Variants in SDK1 observed in about 807,000 individuals in gnomAD.
The protein encoded by SDK1 is protein sidekick-1.
A neutral mutation model predicts 245.5 loss-of-function variants in SDK1; 157 were observed. The observed-to-expected ratio is 0.64, with a 90% confidence interval of 0.56 to 0.73. SDK1 has a LOEUF of 0.73. Among genes scored for constraint, SDK1 ranks in the 30% least tolerant of loss-of-function variants. The probability of loss-of-function intolerance (pLI) is 0.00; values close to 1 mark genes in which losing one functional copy is unlikely to be tolerated. For missense variants in SDK1, 3,583 were observed against 3,002.3 expected, an observed-to-expected ratio of 1.19 and a Z score of -4.52; for synonymous variants, 1,647 against 1,278.5, an observed-to-expected ratio of 1.29 and a Z score of -6.15.
intron 17 of SDK1, among the ~76,000 whole-genome samples, chr7:4,043,581 C>A (rs893034152): frequency 6.6e-6 from 1 of 152,218 alleles, no homozygotes; most frequent in Non-Finnish European, 1.5e-5. Context: ...GAATTTGTTT[C>A]TCTGTAAACA....
chr7:3,585,228 G>C (rs769075434), intron 1 of SDK1, among the ~76,000 whole-genome samples: 2 of 152,180 alleles, frequency 1.3e-5, no homozygotes, highest in African/African-American at 4.8e-5. Flanking sequence ...ACTCACTTTG[G>C]AAAATGGCTA....
chr7:3,522,831 G>A (rs1324996999), intron 1 of SDK1, among the ~76,000 whole-genome samples: 1 of 152,086 alleles, frequency 6.6e-6, no homozygotes, highest in Non-Finnish European at 1.5e-5. Context: ...ATTTTGATGG[G>A]GGGTGAGGTT....
chr7:3,827,192 G>A (rs1399530168), intron 5 of SDK1, among the ~76,000 whole-genome samples: 1 of 152,166 alleles, frequency 6.6e-6, no homozygotes, highest in Non-Finnish European at 1.5e-5. Context: ...CAATATGCCC[G>A]GTTTCCCAAA....
rs1788581081 is a variant in SDK1, at chr7:4,268,122, G to C, written c.*2738G>C. ...ATGTGCTCCCGCTCTCTCCTGCCGT[G>C]CTGAAAGTCATGCCTTGCGGATGCC... On this transcript the variant is annotated 3_prime_UTR_variant, in exon 45 of 45. Coordinates refer to ENST00000404826, the MANE Select transcript of SDK1 (RefSeq NM_152744.4). The C allele has an allele frequency of 4.1e-6, 4 of 985,754 alleles. No homozygotes were observed. In the South Asian group the frequency reaches 1.9e-4, roughly 46 times the overall value. 61.1% of individuals were successfully genotyped at this position (985,754 alleles called of 1,614,324 possible). A position where few individuals can be genotyped will look rare whatever the true frequency, so the allele number is the denominator to read the frequency against.
chr7:3,633,886 C>A (rs917612751), intron 2 of SDK1, among the ~76,000 whole-genome samples: 11 of 152,042 alleles, frequency 7.2e-5, no homozygotes, highest in African/African-American at 2.7e-4. Context: ...GAGGGTCCTG[C>A]TGCTGGCCCC....
chr7:4,145,032 C>T (rs925846333), intron 28 of SDK1, among the ~76,000 whole-genome samples: 6 of 152,068 alleles, frequency 3.9e-5, no homozygotes, highest in Admixed American at 1.3e-4. Flanking sequence ...GAGGAGTGAT[C>T]GTTAATAAGG....
At position 4,132,436 on chromosome 7, in the gene SDK1, C is replaced by A. The variant is rs770320178; in HGVS notation, c.4228+13C>A. On this transcript the variant is annotated intron_variant, in intron 28 of 44. Transcript: ENST00000404826. ...GGCATCATCCTGGGTAAGGGAGCGGCGGTGGCCGGGCGTGGTGGCTCAGGC... is the reference window on the plus strand; with the variant it reads ...GGCATCATCCTGGGTAAGGGAGCGGAGGTGGCCGGGCGTGGTGGCTCAGGC... The A allele has an allele frequency of 6.3e-7, 1 of 1,588,946 alleles. No homozygotes were observed. The highest frequency in any genetic ancestry group is 8.6e-7 in the Non-Finnish European group (1 of 1,163,200).
chr7:3,547,510 T>C (rs568570405), intron 1 of SDK1, among the ~76,000 whole-genome samples: 14 of 152,310 alleles, frequency 9.2e-5, no homozygotes, highest in Middle Eastern at 3.4e-3. Flanking sequence ...TTATGTATTA[T>C]TTTTCACCAA....
chr7:3,656,792 C>G (rs937875177), intron 4 of SDK1, among the ~76,000 whole-genome samples: 1 of 149,146 alleles, frequency 6.7e-6, no homozygotes, highest in Admixed American at 6.7e-5. Context: ...CCAGGCCGGA[C>G]TGCGGACTGC....
intron 19 of SDK1, among the ~76,000 whole-genome samples, chr7:4,057,757 C>T (rs796278438): frequency 6.6e-6 from 1 of 152,200 alleles, no homozygotes; most frequent in Non-Finnish European, 1.5e-5. Context: ...TACTAACAAC[C>T]ACACCCTAAG....
intron 17 of SDK1, among the ~76,000 whole-genome samples, chr7:4,020,137 C>A (rs1786768864): frequency 6.6e-6 from 1 of 152,130 alleles, no homozygotes; most frequent in Non-Finnish European, 1.5e-5. Context: ...CACCACCCAC[C>A]TGACCCTTCT....
At chr7:3,318,581 T>G (rs1485278460) in intron 1 of SDK1, among the ~76,000 whole-genome samples, 1 of 152,208 alleles carries the variant, frequency 6.6e-6, no homozygotes, top group African/African-American at 2.4e-5. Flanking sequence ...ATTACTTGTT[T>G]CGTGACCTTT....
At chr7:4,201,860 G>A (rs999142090) in intron 35 of SDK1, among the ~76,000 whole-genome samples, 4 of 152,030 alleles carry the variant, frequency 2.6e-5, no homozygotes, top group Admixed American at 1.3e-4. Context: ...AACAGCTGAC[G>A]CCTAGCATGG....
chr7:4,142,677 G>C (rs191761704), intron 28 of SDK1, among the ~76,000 whole-genome samples: 15 of 152,230 alleles, frequency 9.9e-5, no homozygotes, highest in Admixed American at 4.6e-4. Context: ...TGGCCAGGCT[G>C]GTCTCAAAGT....
intron 17 of SDK1, among the ~76,000 whole-genome samples, chr7:4,048,721 C>A (rs1336677286): frequency 6.6e-6 from 1 of 152,208 alleles, no homozygotes; most frequent in African/African-American, 2.4e-5. Context: ...CTTACAGTTA[C>A]ACGAGCATGT....
intron 4 of SDK1, among the ~76,000 whole-genome samples, chr7:3,734,851 T>C (rs1331670864): frequency 6.6e-6 from 1 of 152,220 alleles, no homozygotes; most frequent in Non-Finnish European, 1.5e-5. Context: ...GCAATTTTTT[T>C]CATCTCAAGT....
chr7:4,097,540 C>G (rs1782233162), intron 22 of SDK1, among the ~76,000 whole-genome samples: 1 of 152,204 alleles, frequency 6.6e-6, no homozygotes, highest in Admixed American at 6.5e-5. Context: ...TTGGGCCGCC[C>G]AAGGCCCAAT....
rs140724940 is a variant in SDK1, at chr7:3,695,149, A to G, written c.713+53044A>G. On this transcript the variant is annotated intron_variant, in intron 4 of 44. Coordinates refer to ENST00000404826, the MANE Select transcript of SDK1 (RefSeq NM_152744.4). ...TTAATTGCTAAAAATATTTATCAGT[A>G]CCTGATCACAGAATTCTTACAAGAC... 2.5e-3 allele frequency among the ~76,000 whole-genome samples: 388 copies of G among 152,342 alleles called. 2 individuals carry two copies. The highest frequency in any genetic ancestry group is 9.1e-3 in the African/African-American group (377 of 41,582).
At chr7:3,898,871 C>T (rs956867108) in intron 5 of SDK1, among the ~76,000 whole-genome samples, 1 of 152,066 alleles carries the variant, frequency 6.6e-6, no homozygotes, top group Non-Finnish European at 1.5e-5. Flanking sequence ...TCTGTAACAT[C>T]TTATGTTGTT....
Sources: gnomAD v4.1 joint callset for allele counts (sites outside exome capture counted in the v4.1 genomes callset) on GRCh38, gnomAD v4.1.1 for gene constraint, MANE v1.5 for transcripts, NCBI Gene and HGNC (gene_info 2026-07-23, HGNC 2026-07-21) for gene names.